Variants in FGGY observed in about 807,000 individuals in gnomAD.
The protein encoded by FGGY is FGGY carbohydrate kinase domain containing.
In FGGY, 72 loss-of-function variants were observed where a neutral mutation model predicts 71.3. That is an observed-to-expected ratio of 1.01 (90% CI 0.84 to 1.23). The LOEUF is 1.23. Among genes scored for constraint, FGGY ranks in the 50% most tolerant of loss-of-function variants. FGGY has a pLI of 0.00. For synonymous variants in FGGY, 251 were observed against 250.3 expected, an observed-to-expected ratio of 1.00 and a Z score of -0.02; for missense variants, 668 against 682.3, an observed-to-expected ratio of 0.98 and a Z score of 0.23.
intron 14 of FGGY, among the ~76,000 whole-genome samples, chr1:59,726,766 C>T (rs1318174625): frequency 6.6e-6 from 1 of 152,050 alleles, no homozygotes; most frequent in East Asian, 1.9e-4. Context: ...AAAGGTTTGT[C>T]AGTTTTATTG....
At chr1:59,652,773 C>A (rs1356588409) in intron 11 of FGGY, among the ~76,000 whole-genome samples, 2 of 152,088 alleles carry the variant, frequency 1.3e-5, no homozygotes, top group African/African-American at 2.4e-5. Flanking sequence ...ATTCTCCATC[C>A]AGCTTTGTTC....
At chr1:59,331,014 G>T (rs1175096201) in intron 2 of FGGY, among the ~76,000 whole-genome samples, 1 of 151,864 alleles carries the variant, frequency 6.6e-6, no homozygotes, top group African/African-American at 2.4e-5. Context: ...CTGGGACCAC[G>T]TCTCTCTTGA....
chr1:59,307,083 G>A (rs1475364498), intron 1 of FGGY, among the ~76,000 whole-genome samples: 1 of 152,118 alleles, frequency 6.6e-6, no homozygotes, highest in Non-Finnish European at 1.5e-5. Flanking sequence ...GGGAGGCCGA[G>A]GTGGGAGGAT....
intron 9 of FGGY, among the ~76,000 whole-genome samples, chr1:59,614,631 G>C (rs2096730109): frequency 6.6e-6 from 1 of 152,126 alleles, no homozygotes; most frequent in Admixed American, 6.5e-5. Context: ...TCAACATAGT[G>C]TTGGAAGTTC....
At chr1:59,493,116 C>CAA (rs905609432) in intron 6 of FGGY, among the ~76,000 whole-genome samples, 1 of 151,512 alleles carries the variant, frequency 6.6e-6, no homozygotes, top group African/African-American at 2.4e-5. Context: ...CACACACACA[C>CAA]ACACACACAC....
At chr1:59,745,829 G>A (rs1253918230) in intron 14 of FGGY, among the ~76,000 whole-genome samples, 3 of 152,214 alleles carry the variant, frequency 2.0e-5, no homozygotes, top group Non-Finnish European at 4.4e-5. Flanking sequence ...TGGAGATTCT[G>A]GAAGTTGCTT....
At chr1:59,558,731 T>C (rs921603706) in intron 8 of FGGY, among the ~76,000 whole-genome samples, 1 of 152,066 alleles carries the variant, frequency 6.6e-6, no homozygotes, top group Non-Finnish European at 1.5e-5. Context: ...GTGGGTTTTT[T>C]CCCCACCCTA....
chr1:59,741,938 CAA>C (rs11347068), intron 14 of FGGY, among the ~76,000 whole-genome samples: 115 of 85,138 alleles, frequency 1.4e-3, no homozygotes, highest in Middle Eastern at 6.4e-3. Flanking sequence ...GACTCCATCT[CAA>C]AAAAAAAAAA....
In FGGY at chr1:59,407,410, T is replaced by C. The variant is rs963260251; in HGVS notation, c.554+28573T>C. ...TGGTTCGACACCAGGGCCTGCACAC[T>C]GAGTGTGTGATGTTGCAGCTCTGCA... is the stretch of plus-strand genomic sequence containing the variant. On this transcript the variant is annotated intron_variant, in intron 5 of 15. Coordinates refer to ENST00000303721, the MANE Select transcript of FGGY (RefSeq NM_018291.5). Among the ~76,000 whole-genome samples the C allele has an allele frequency of 2.0e-5, 3 of 152,258 alleles. No homozygotes were observed. The East Asian group carries it at 5.8e-4, about 29-fold the overall frequency.
At chr1:59,332,170 C>G (rs914165318) in intron 2 of FGGY, 1 of 152,104 alleles carries the variant, frequency 6.6e-6, no homozygotes, top group African/African-American at 2.4e-5. Flanking sequence ...AAGTGATACA[C>G]AATCCCTTCC....
At chr1:59,426,978 G>C (rs1024514530) in intron 5 of FGGY, among the ~76,000 whole-genome samples, 1 of 152,144 alleles carries the variant, frequency 6.6e-6, no homozygotes, top group African/African-American at 2.4e-5. Context: ...CAGAGGCCAA[G>C]CATGCTGGGG....
chr1:59,381,798 A>G (rs1233490596), intron 5 of FGGY, among the ~76,000 whole-genome samples: 1 of 152,206 alleles, frequency 6.6e-6, no homozygotes, highest in Non-Finnish European at 1.5e-5. Context: ...CTGTAGAAGT[A>G]TATATGTTGA....
intron 14 of FGGY, among the ~76,000 whole-genome samples, chr1:59,688,070 C>A (rs2097559329): frequency 6.6e-6 from 1 of 152,112 alleles, no homozygotes; most frequent in South Asian, 2.1e-4. Context: ...GCCTATACAC[C>A]CAGCTGAGTT....
chr1:59,311,436 C>T (rs2044307603), intron 1 of FGGY, among the ~76,000 whole-genome samples: 1 of 151,882 alleles, frequency 6.6e-6, no homozygotes, highest in Admixed American at 6.6e-5. Context: ...TGTTCCCTTC[C>T]CTGTGTCCAT....
chr1:59,733,393 A>C (rs1372251651), intron 14 of FGGY: 1 of 153,112 alleles, frequency 6.5e-6, no homozygotes. Flanking sequence ...TTGATTGTCC[A>C]GTGCTGCATT....
intron 5 of FGGY, among the ~76,000 whole-genome samples, chr1:59,433,199 C>T (rs2067738503): frequency 6.6e-6 from 1 of 152,200 alleles, no homozygotes; most frequent in South Asian, 2.1e-4. Context: ...GGCACCATCC[C>T]TGACTTCTAC....
chr1:59,723,208 A>G (rs2097912069), intron 14 of FGGY, among the ~76,000 whole-genome samples: 1 of 152,200 alleles, frequency 6.6e-6, no homozygotes, highest in Admixed American at 6.5e-5. Context: ...CCCAGCTGAA[A>G]GAGCAAGGAA....
At chr1:59,466,768 C>T (rs1387063958) in intron 6 of FGGY, among the ~76,000 whole-genome samples, 1 of 152,218 alleles carries the variant, frequency 6.6e-6, no homozygotes, top group Non-Finnish European at 1.5e-5. Flanking sequence ...CTCATCATCA[C>T]TGGTCATTAG....
chr1:59,617,480 ACTT>A (rs1414570293), intron 9 of FGGY, among the ~76,000 whole-genome samples: 2 of 152,220 alleles, frequency 1.3e-5, no homozygotes, highest in South Asian at 4.2e-4. Flanking sequence ...TTTGATATTT[ACTT>A]CTTCTTAGAA....
Sources: allele counts gnomAD v4.1 joint callset (sites outside exome capture counted in the v4.1 genomes callset), GRCh38; gene constraint gnomAD v4.1.1; transcripts MANE v1.5; gene names NCBI Gene and HGNC (gene_info 2026-07-23, HGNC 2026-07-21).